The following EPC2 variants were observed in gnomAD, a reference collection of about 807,000 sequenced individuals.
The protein encoded by EPC2 is enhancer of polycomb homolog 2.
A neutral mutation model predicts 92.1 loss-of-function variants in EPC2; 14 were observed. That is an observed-to-expected ratio of 0.15 (90% confidence interval 0.10 to 0.24). The LOEUF is 0.24. EPC2 is among the 10% of genes least tolerant of loss of function. EPC2 has a pLI of 1.00. For missense variants in EPC2, 755 were observed against 971.5 expected (o/e 0.78, Z 2.96); for synonymous variants, 340 against 334.7 (o/e 1.02, Z -0.17).
intron 1 of EPC2, among the ~76,000 whole-genome samples, chr2:148,663,631 T>TG (rs982479787): frequency 1.5e-5 from 2 of 130,270 alleles, no homozygotes; most frequent in African/African-American, 6.0e-5. Context: ...GGTAAGAATC[T>TG]ATCTTACCAC....
At chr2:148,711,232 C>T (rs2105384246) in intron 2 of EPC2, among the ~76,000 whole-genome samples, 1 of 152,010 alleles carries the variant, frequency 6.6e-6, no homozygotes, top group Admixed American at 6.6e-5. Context: ...TTTCTCTAAG[C>T]ACTGCTTTTC....
rs181569852 is a variant in EPC2 at position 148,681,553 on chromosome 2, A to G, written c.154-8661A>G. Among the ~76,000 whole-genome samples, 36 of 152,348 alleles carry G rather than the reference A, an allele frequency of 2.4e-4. 1 individual carries two copies. Among genetic ancestry groups the G allele is most frequent in the African/African-American group, 8.4e-4 (35 of 41,582 alleles). ...CAGTTTTGACTGCGATCGACAATAA[A>G]AAACATTTTACAAACGTATATGACT... is the stretch of plus-strand genomic sequence containing the variant. On this transcript the variant is annotated intron_variant, in intron 1 of 13. Coordinates refer to ENST00000258484, the MANE Select transcript of EPC2 (RefSeq NM_015630.4).
At chr2:148,764,627 A>G (rs1362127938) in intron 6 of EPC2, among the ~76,000 whole-genome samples, 5 of 152,206 alleles carry the variant, frequency 3.3e-5, no homozygotes, top group Non-Finnish European at 7.3e-5. Context: ...ATTTTTATCA[A>G]TACAGCAGAT....
At chr2:148,708,604 T>C (rs1273532822) in intron 2 of EPC2, among the ~76,000 whole-genome samples, 3 of 152,244 alleles carry the variant, frequency 2.0e-5, no homozygotes, top group Non-Finnish European at 4.4e-5. Context: ...AATAAAATAC[T>C]GGCAAACTGA....
At chr2:148,738,473 G>A (rs185580738) in intron 2 of EPC2, among the ~76,000 whole-genome samples, 165 of 152,268 alleles carry the variant, frequency 1.1e-3, no homozygotes, top group Non-Finnish European at 2.0e-3. Flanking sequence ...TGTGGTTTTT[G>A]TTGTTATTAT....
chr2:148,719,658 G>A (rs1273240254), intron 2 of EPC2, among the ~76,000 whole-genome samples: 1 of 152,208 alleles, frequency 6.6e-6, no homozygotes, highest in Non-Finnish European at 1.5e-5. Flanking sequence ...GAACACGCCT[G>A]TAGGGGGTGG....
At chr2:148,648,063 A>G (rs1683840764) in intron 1 of EPC2, among the ~76,000 whole-genome samples, 1 of 152,226 alleles carries the variant, frequency 6.6e-6, no homozygotes, top group African/African-American at 2.4e-5. Flanking sequence ...CCAAATTCTG[A>G]TAAAACTAGA....
chr2:148,712,244 GGTGT>G (rs760099746), intron 2 of EPC2, among the ~76,000 whole-genome samples: 6 of 149,426 alleles, frequency 4.0e-5, no homozygotes, highest in Non-Finnish European at 9.0e-5. Flanking sequence ...TGTGTGTGGG[GGTGT>G]GTGTGTGTGT....
chr2:148,691,746 AG>A lies in EPC2; in HGVS notation c.313+1375del, dbSNP rs1163283079. 7 of 955,340 alleles carry A rather than the reference AG, an allele frequency of 7.3e-6. No homozygotes were observed. In the East Asian group the frequency reaches 1.8e-4, roughly 25 times the overall value. The allele number at this position is 955,340 out of a possible 1,614,324, so 59.2% of individuals were successfully genotyped here. The stretch of plus-strand genomic sequence containing the variant: ...CAGATCTGCTCAAGGTTCAGTTCTC[AG>A]GAAGATTTTTTGCTTCTCCTTTCTA... On this transcript the variant is annotated intron_variant, in intron 2 of 13. Transcript: ENST00000258484.
chr2:148,785,559 C>G (rs903878207), intron 13 of EPC2, among the ~76,000 whole-genome samples: 1 of 152,172 alleles, frequency 6.6e-6, no homozygotes, highest in East Asian at 1.9e-4. Context: ...ATCTCCTGAC[C>G]TGGTGATCCA....
intron 2 of EPC2, among the ~76,000 whole-genome samples, chr2:148,736,956 G>C (rs1395450107): frequency 6.6e-6 from 1 of 151,170 alleles, no homozygotes; most frequent in African/African-American, 2.4e-5. Context: ...AAAAAAATTA[G>C]CCACGCCTGG....
At chr2:148,712,242 G>T (rs535036462) in intron 2 of EPC2, among the ~76,000 whole-genome samples, 29 of 145,598 alleles carry the variant, frequency 2.0e-4, no homozygotes, top group South Asian at 9.0e-4. Context: ...TGTGTGTGTG[G>T]GGGTGTGTGT....
At chr2:148,717,642 T>C (rs1031782296) in intron 2 of EPC2, among the ~76,000 whole-genome samples, 2 of 152,204 alleles carry the variant, frequency 1.3e-5, no homozygotes, top group African/African-American at 4.8e-5. Flanking sequence ...TTGCATTTGC[T>C]GAGGAGTGTT....
At chr2:148,667,303 G>C (rs996378660) in intron 1 of EPC2, among the ~76,000 whole-genome samples, 1 of 152,174 alleles carries the variant, frequency 6.6e-6, no homozygotes, top group South Asian at 2.1e-4. Flanking sequence ...ATGTGTGGCA[G>C]GTTGTTTCAG....
chr2:148,674,498 G>A (rs1315033128), intron 1 of EPC2, among the ~76,000 whole-genome samples: 1 of 152,148 alleles, frequency 6.6e-6, no homozygotes, highest in Admixed American at 6.5e-5. Context: ...ACACCAAGTT[G>A]TGCTGTTTTC....
chr2:148,651,482 A>T (rs1455971748), intron 1 of EPC2, among the ~76,000 whole-genome samples: 4 of 152,224 alleles, frequency 2.6e-5, no homozygotes, highest in African/African-American at 9.6e-5. Context: ...AGGAGTAAAA[A>T]TAGGGGTGGA....
chr2:148,665,190 T>C (rs1438219907), intron 1 of EPC2, among the ~76,000 whole-genome samples: 1 of 152,214 alleles, frequency 6.6e-6, no homozygotes, highest in Non-Finnish European at 1.5e-5. Context: ...TAATTCTTGG[T>C]TGTTTTCATA....
At chr2:148,694,770 C>G (rs566725226) in intron 2 of EPC2, among the ~76,000 whole-genome samples, 1 of 152,232 alleles carries the variant, frequency 6.6e-6, no homozygotes, top group Admixed American at 6.5e-5. Context: ...CTCCTCCCCC[C>G]GCCCAAACCC....
intron 2 of EPC2, among the ~76,000 whole-genome samples, chr2:148,690,808 G>A (rs763199846): frequency 2.0e-5 from 3 of 151,994 alleles, no homozygotes; most frequent in South Asian, 2.1e-4. Flanking sequence ...GATTACAGGC[G>A]TGTGCCACCA....
Sources: allele counts gnomAD v4.1 joint callset (sites outside exome capture counted in the v4.1 genomes callset), GRCh38; gene constraint gnomAD v4.1.1; transcripts MANE v1.5; gene names NCBI Gene and HGNC (gene_info 2026-07-23, HGNC 2026-07-21).